The following COX10 variants were observed in gnomAD, a reference collection of about 807,000 sequenced individuals.
The protein encoded by COX10 is protoheme IX farnesyltransferase, mitochondrial.
In COX10, 27 loss-of-function variants were observed where a neutral mutation model predicts 37.3. The observed-to-expected ratio is 0.72, with a 90% CI of 0.53 to 1.00. The LOEUF (loss-of-function observed/expected upper bound fraction) is 1.00. Among genes scored for constraint, COX10 ranks in the 50% least tolerant of loss-of-function variants. The pLI is 0.00. For synonymous variants in COX10, 222 were observed against 229.1 expected, an observed-to-expected ratio of 0.97 and a Z score of 0.28; for missense variants, 475 against 563.2, an observed-to-expected ratio of 0.84 and a Z score of 1.59.
At chr17:14,100,738 C>T (rs1915758116) in intron 3 of COX10, among the ~76,000 whole-genome samples, 1 of 152,182 alleles carries the variant, frequency 6.6e-6, no homozygotes, top group Non-Finnish European at 1.5e-5. Flanking sequence ...ATGTTCAAAG[C>T]AGCGATGTGA....
chr17:14,202,436 C>T lies in COX10; in HGVS notation c.929-4374C>T, dbSNP rs571069949. Among the ~76,000 whole-genome samples the T allele has an allele frequency of 4.9e-4, 74 of 152,168 alleles. 1 individual carries two copies. In the South Asian group the frequency reaches 0.014, roughly 28 times the overall value. On this transcript the variant is annotated intron_variant, in intron 6 of 6. Coordinates refer to ENST00000261643, the MANE Select transcript of COX10 (RefSeq NM_001303.4). Reference sequence around the variant, plus strand: ...CTGTGTTGCCCCAGATAACCAACCACATTCTAACAGAAGGTGCTAATATCT... The same window carrying T: ...CTGTGTTGCCCCAGATAACCAACCATATTCTAACAGAAGGTGCTAATATCT...
intron 5 of COX10, among the ~76,000 whole-genome samples, chr17:14,168,148 G>A (rs904129722): frequency 3.9e-5 from 6 of 152,238 alleles, no homozygotes; most frequent in African/African-American, 1.4e-4. Flanking sequence ...CCAAAACAGA[G>A]GGGCTACAGG....
intron 4 of COX10, among the ~76,000 whole-genome samples, chr17:14,107,388 T>C (rs1201429410): frequency 6.6e-6 from 1 of 152,198 alleles, no homozygotes; most frequent in Non-Finnish European, 1.5e-5. Flanking sequence ...ATGCCTCTTT[T>C]ACTTTCAAGT....
chr17:14,142,181 C>T (rs1237281798), intron 4 of COX10, among the ~76,000 whole-genome samples: 1 of 152,126 alleles, frequency 6.6e-6, no homozygotes, highest in East Asian at 1.9e-4. Flanking sequence ...AAAATTAAAA[C>T]CTTTTCTTTT....
At chr17:14,095,239 C>T (rs530226870) in intron 3 of COX10, among the ~76,000 whole-genome samples, 1 of 152,226 alleles carries the variant, frequency 6.6e-6, no homozygotes, top group South Asian at 2.1e-4. Flanking sequence ...ACTAGTTGAC[C>T]CTAAATCCTC....
At chr17:14,196,795 A>G (rs935980479) in intron 6 of COX10, among the ~76,000 whole-genome samples, 3 of 151,492 alleles carry the variant, frequency 2.0e-5, no homozygotes, top group African/African-American at 7.3e-5. Context: ...TCCCTCCCAC[A>G]CTCTCTTTGC....
chr17:14,192,646 T>C (rs1236651432), intron 6 of COX10, among the ~76,000 whole-genome samples: 1 of 152,318 alleles, frequency 6.6e-6, no homozygotes, highest in African/African-American at 2.4e-5. Context: ...TCCCCTCTTA[T>C]GAAAGGGCAG....
At chr17:14,148,668 G>A (rs1284588185) in intron 4 of COX10, among the ~76,000 whole-genome samples, 3 of 152,084 alleles carry the variant, frequency 2.0e-5, no homozygotes, top group Admixed American at 6.6e-5. Context: ...AGTATTTTCT[G>A]AGCCTAACTT....
chr17:14,183,332 AC>A (rs531715292), intron 5 of COX10, among the ~76,000 whole-genome samples: 95 of 152,182 alleles, frequency 6.2e-4, no homozygotes, highest in African/African-American at 2.2e-3. Flanking sequence ...TTTTCTGACC[AC>A]CCCCATCAAA....
chr17:14,142,846 T>G lies in COX10; in HGVS notation c.625-17031T>G, dbSNP rs564740050. On this transcript the variant is annotated intron_variant, in intron 4 of 6. Coordinates refer to ENST00000261643, the MANE Select transcript of COX10 (RefSeq NM_001303.4). ...TATTACTCTTTCAGGACATGGTGACTGTGCTTGCAACACATTACAGGTTTT... is the reference window on the plus strand; with the variant it reads ...TATTACTCTTTCAGGACATGGTGACGGTGCTTGCAACACATTACAGGTTTT... 8.1e-4 allele frequency among the ~76,000 whole-genome samples: 124 copies of G among 152,346 alleles called. 1 individual carries two copies. Among genetic ancestry groups the G allele is most frequent in the Middle Eastern group, 3.4e-3 (1 of 294 alleles).
At chr17:14,155,348 A>T (rs1905014310) in intron 4 of COX10, among the ~76,000 whole-genome samples, 1 of 141,070 alleles carries the variant, frequency 7.1e-6, no homozygotes, top group African/African-American at 2.6e-5. Flanking sequence ...AAAAAAAAAC[A>T]GCAATCAAGT....
chr17:14,173,100 A>G (rs1426648973), intron 5 of COX10, among the ~76,000 whole-genome samples: 4 of 152,242 alleles, frequency 2.6e-5, no homozygotes, highest in Non-Finnish European at 5.9e-5. Flanking sequence ...TCTGGGTATT[A>G]ATACTCTTGT....
Position 14,076,111 on chromosome 17 carries a change from C to CTTTTTTTTTT in COX10, c.178-613_178-604dup, listed in dbSNP as rs376434284. On this transcript the variant is annotated intron_variant, in intron 2 of 6. Coordinates refer to ENST00000261643, the MANE Select transcript of COX10 (RefSeq NM_001303.4). Reference sequence around the variant, plus strand: ...CAGGTTGACTTGGGCTCTTTTTTGTCTTTTTTTTTTTTTTTTTTTTGTGAG... The same window carrying CTTTTTTTTTT: ...CAGGTTGACTTGGGCTCTTTTTTGTCTTTTTTTTTTTTTTTTTTTTTTTTTTTTTTGTGAG... Among the ~76,000 whole-genome samples the CTTTTTTTTTT allele has an allele frequency of 2.2e-3, 228 of 103,252 alleles. 1 individual carries two copies. The highest frequency in any genetic ancestry group is 2.5e-3 in the Non-Finnish European group (140 of 56,104). 67.7% of individuals were successfully genotyped at this position (103,252 alleles called of 152,430 possible). A position where few individuals can be genotyped will look rare whatever the true frequency, so the allele number is the denominator to read the frequency against.
chr17:14,207,700 C>G lies in COX10; in HGVS notation c.*487C>G, dbSNP rs1483353725. 6.4e-6 allele frequency: 1 copy of G among 155,194 alleles called. No individual in the cohort carries two copies. The allele number at this position is 155,194 out of a possible 1,614,324, so 9.6% of individuals were successfully genotyped here. ...CCCTTCCTGGTGACTGAGCCAGGGC[C>G]TGCATTTTTGGTTTTCCCCACCCCA... On this transcript the variant is annotated 3_prime_UTR_variant, in exon 7 of 7. Coordinates refer to ENST00000261643, the MANE Select transcript of COX10 (RefSeq NM_001303.4).
intron 4 of COX10, among the ~76,000 whole-genome samples, chr17:14,138,549 C>A (rs62055190): frequency 6.6e-6 from 1 of 151,990 alleles, no homozygotes; most frequent in Non-Finnish European, 1.5e-5. Flanking sequence ...TCAGCCCTAC[C>A]GGTTCTTGAG....
chr17:14,122,824 T>G (rs1321560279), intron 4 of COX10, among the ~76,000 whole-genome samples: 1 of 152,216 alleles, frequency 6.6e-6, no homozygotes, highest in Non-Finnish European at 1.5e-5. Flanking sequence ...TAATTATGCA[T>G]TAGCCAGAAA....
intron 3 of COX10, among the ~76,000 whole-genome samples, chr17:14,101,251 C>T (rs1012116038): frequency 1.3e-5 from 2 of 152,158 alleles, no homozygotes; most frequent in African/African-American, 4.8e-5. Flanking sequence ...TCTTCCCTTC[C>T]CTTGTGCCTG....
intron 5 of COX10, among the ~76,000 whole-genome samples, chr17:14,169,872 G>A (rs950124735): frequency 4.6e-5 from 7 of 152,126 alleles, no homozygotes; most frequent in Non-Finnish European, 7.4e-5. Context: ...GGAGGTGTTC[G>A]GGTTATGGGA....
chr17:14,170,594 C>T (rs760739341), intron 5 of COX10, among the ~76,000 whole-genome samples: 4 of 152,148 alleles, frequency 2.6e-5, no homozygotes, highest in South Asian at 2.1e-4. Flanking sequence ...GTGGGCAGAT[C>T]GCTTGAGGCC....
Sources: allele counts gnomAD v4.1 joint callset (sites outside exome capture counted in the v4.1 genomes callset), GRCh38; gene constraint gnomAD v4.1.1; transcripts MANE v1.5; gene names NCBI Gene and HGNC (gene_info 2026-07-23, HGNC 2026-07-21).